Variants in MRPL1 observed in about 807,000 individuals in gnomAD.
MRPL1 encodes the protein large ribosomal subunit protein uL1m.
Under a neutral mutation model 38.0 loss-of-function variants are expected in MRPL1, and 28 were observed. That is an observed-to-expected ratio of 0.74 (90% CI 0.55 to 1.01). MRPL1 has a LOEUF of 1.01. Among genes scored for constraint, MRPL1 ranks in the 50% least tolerant of loss-of-function variants. The probability of loss-of-function intolerance (pLI) is 0.00; values close to 1 mark genes in which losing one functional copy is unlikely to be tolerated. For synonymous variants in MRPL1, 123 were observed against 126.7 expected, an observed-to-expected ratio of 0.97 and a Z score of 0.20; for missense variants, 358 against 389.8, an observed-to-expected ratio of 0.92 and a Z score of 0.69.
chr4:77,945,157 TTATTATTATTATTAC>T (rs1465343100), intron 7 of MRPL1, among the ~76,000 whole-genome samples: 29 of 146,270 alleles, frequency 2.0e-4, no homozygotes, highest in African/African-American at 5.4e-4. Context: ...ATTATTATTA[TTATTATTATTATTAC>T]TACTACTACT....
intron 5 of MRPL1, among the ~76,000 whole-genome samples, chr4:77,888,720 T>C (rs1014191892): frequency 6.6e-6 from 1 of 152,174 alleles, no homozygotes; most frequent in Admixed American, 6.5e-5. Flanking sequence ...TTATGGAATT[T>C]TTTTTATTAT....
At chr4:77,921,667 G>A (rs1172760139) in intron 7 of MRPL1, among the ~76,000 whole-genome samples, 1 of 151,998 alleles carries the variant, frequency 6.6e-6, no homozygotes. Flanking sequence ...TTTGATACAG[G>A]AGGACATAGA....
intron 7 of MRPL1, among the ~76,000 whole-genome samples, chr4:77,920,111 T>C (rs1375410014): frequency 2.6e-5 from 4 of 152,180 alleles, no homozygotes; most frequent in African/African-American, 9.7e-5. Flanking sequence ...TTTTTATCTT[T>C]TTAAGAATAA....
At chr4:77,923,127 G>A (rs956509510) in intron 7 of MRPL1, among the ~76,000 whole-genome samples, 1 of 151,926 alleles carries the variant, frequency 6.6e-6, no homozygotes, top group Admixed American at 6.6e-5. Flanking sequence ...ATGGAGTCTC[G>A]CTCTGTCTCC....
intron 7 of MRPL1, among the ~76,000 whole-genome samples, chr4:77,922,464 T>C (rs949730623): frequency 1.3e-5 from 2 of 152,186 alleles, no homozygotes; most frequent in African/African-American, 4.8e-5. Context: ...CAGACTAACA[T>C]GATCTGGCTT....
chr4:77,902,243 A>G (rs978969149), intron 6 of MRPL1, among the ~76,000 whole-genome samples: 1 of 152,182 alleles, frequency 6.6e-6, no homozygotes, highest in African/African-American at 2.4e-5. Flanking sequence ...GCACAGTGGC[A>G]TATGCCTGTC....
intron 7 of MRPL1, among the ~76,000 whole-genome samples, chr4:77,914,860 G>T (rs546717373): frequency 3.6e-4 from 55 of 152,122 alleles, no homozygotes; most frequent in South Asian, 2.1e-3. Context: ...TCTAGAACAG[G>T]GGTCAATAAA....
At chr4:77,899,778 A>G (rs1193953158) in intron 6 of MRPL1, among the ~76,000 whole-genome samples, 2 of 152,134 alleles carry the variant, frequency 1.3e-5, no homozygotes, top group Non-Finnish European at 2.9e-5. Context: ...AGTGAAAGGA[A>G]GAAAGAAAAT....
chr4:77,952,739 T>A lies in MRPL1; in HGVS notation c.*132T>A. ...AGTGAACTTTAACATTGAAAAATCGTACAGTCATTTCAAGAATAAGAAAAT... is the reference window on the plus strand; with the variant it reads ...AGTGAACTTTAACATTGAAAAATCGAACAGTCATTTCAAGAATAAGAAAAT... On this transcript the variant is annotated 3_prime_UTR_variant, in exon 9 of 9. Coordinates refer to ENST00000315567, the MANE Select transcript of MRPL1 (RefSeq NM_020236.4). 1 of 617,602 alleles carries A rather than the reference T, an allele frequency of 1.6e-6. No individual in the cohort carries two copies. Among genetic ancestry groups the A allele is most frequent in the Admixed American group, 3.3e-5 (1 of 30,360 alleles). 38.3% of individuals were successfully genotyped at this position (617,602 alleles called of 1,614,324 possible).
chr4:77,875,206 A>G (rs544193909), intron 2 of MRPL1, among the ~76,000 whole-genome samples: 1 of 152,330 alleles, frequency 6.6e-6, no homozygotes, highest in East Asian at 1.9e-4. Flanking sequence ...TTCGTATATT[A>G]TGAATTAACA....
intron 6 of MRPL1, among the ~76,000 whole-genome samples, chr4:77,898,050 C>T (rs1368261545): frequency 6.6e-6 from 1 of 152,102 alleles, no homozygotes; most frequent in African/African-American, 2.4e-5. Context: ...AAGCACTCTC[C>T]CTCCTCAGGT....
chr4:77,938,920 A>T (rs918909629), intron 7 of MRPL1, among the ~76,000 whole-genome samples: 3 of 152,020 alleles, frequency 2.0e-5, no homozygotes, highest in African/African-American at 7.2e-5. Context: ...TCCACCTTTT[A>T]TTTTTTTATT....
chr4:77,906,432 G>C (rs1287000493), intron 6 of MRPL1, among the ~76,000 whole-genome samples: 1 of 152,102 alleles, frequency 6.6e-6, no homozygotes, highest in Non-Finnish European at 1.5e-5. Context: ...TAGGAGACTT[G>C]TTTATTTTAT....
intron 6 of MRPL1, among the ~76,000 whole-genome samples, chr4:77,905,496 C>CA (rs374398968): frequency 0.11 from 6,809 of 63,282 alleles, 1,272 homozygotes; most frequent in African/African-American, 0.27. Context: ...GACTCCGTCT[C>CA]AAAAAAAAAA....
At chr4:77,919,249 T>TC (rs1325786396) in intron 7 of MRPL1, among the ~76,000 whole-genome samples, 4 of 152,192 alleles carry the variant, frequency 2.6e-5, no homozygotes, top group South Asian at 4.1e-4. Flanking sequence ...TGTTTTTTTT[T>TC]CACTGTTAGA....
rs773547094 is a variant in MRPL1, at chr4:77,909,383, A to C, written c.777+11A>C. The C allele has an allele frequency of 1.4e-6, 2 of 1,404,678 alleles. No homozygotes were observed. The highest frequency in any genetic ancestry group is 1.2e-5 in the South Asian group (1 of 82,102). The allele number at this position is 1,404,678 out of a possible 1,614,324, so 87.0% of individuals were successfully genotyped here. On this transcript the variant is annotated intron_variant, in intron 7 of 8. Coordinates refer to ENST00000315567, the MANE Select transcript of MRPL1 (RefSeq NM_020236.4). ...ACCAAAATAGCAACAGTAAGTTACA[A>C]TGAAAATTATCAAATAATCCTCTTT...
At chr4:77,886,950 G>A (rs6812768) in intron 4 of MRPL1, among the ~76,000 whole-genome samples, 10,683 of 151,570 alleles carry the variant, frequency 0.07, 598 homozygotes, top group African/African-American at 0.15. Flanking sequence ...GTGCCACCAC[G>A]TCCGGCCAAT....
intron 7 of MRPL1, among the ~76,000 whole-genome samples, chr4:77,919,585 A>C (rs1037972996): frequency 6.6e-6 from 1 of 152,174 alleles, no homozygotes; most frequent in Non-Finnish European, 1.5e-5. Context: ...CAAAGAATGG[A>C]ACTTTCCACT....
chr4:77,885,139 A>C lies in MRPL1; in HGVS notation c.403-117A>C, dbSNP rs573765599. On this transcript the variant is annotated intron_variant, in intron 3 of 8. Coordinates refer to ENST00000315567, the MANE Select transcript of MRPL1 (RefSeq NM_020236.4). ...ATGAATAGTTCTGAATTAATGGAAG[A>C]ACATAGAGTAGAATCAGAACACTGA... The C allele has an allele frequency of 1.0e-5, 7 of 682,116 alleles. No homozygotes were observed. In the Admixed American group the frequency reaches 1.7e-4, roughly 17 times the overall value. The allele number at this position is 682,116 out of a possible 1,614,324, so 42.3% of individuals were successfully genotyped here. A position where few individuals can be genotyped will look rare whatever the true frequency, so the allele number is the denominator to read the frequency against.
Sources: allele counts gnomAD v4.1 joint callset (sites outside exome capture counted in the v4.1 genomes callset), GRCh38; gene constraint gnomAD v4.1.1; transcripts MANE v1.5; gene names NCBI Gene and HGNC (gene_info 2026-07-23, HGNC 2026-07-21).